PACRG: variants seen among roughly 807,000 people sequenced by gnomAD.
The protein encoded by PACRG is parkin coregulated.
PACRG carries 29 observed loss-of-function variants against 29.7 expected under a neutral mutation model. That is an observed-to-expected ratio of 0.98 (90% CI 0.73 to 1.33). The LOEUF (loss-of-function observed/expected upper bound fraction) is 1.33, where lower values mean the gene tolerates loss of function less well. Among genes scored for constraint, PACRG ranks in the 40% most tolerant of loss-of-function variants. The pLI is 0.00. For synonymous variants in PACRG, 116 were observed against 118.7 expected (o/e 0.98, Z 0.15); for missense variants, 279 against 316.2 (o/e 0.88, Z 0.89).
chr6:163,004,082 T>A (rs1804817880), intron 2 of PACRG, among the ~76,000 whole-genome samples: 1 of 152,050 alleles, frequency 6.6e-6, no homozygotes, highest in African/African-American at 2.4e-5. Flanking sequence ...ACAAAAAAAA[T>A]TCTCTTCCAA....
rs140001737 is a variant in PACRG at position 162,849,351 on chromosome 6, A to G, written c.291+35070A>G. 5.9e-5 allele frequency among the ~76,000 whole-genome samples: 9 copies of G among 152,314 alleles called. No individual in the cohort carries two copies. The East Asian group carries it at 1.7e-3, about 29-fold the overall frequency. On this transcript the variant is annotated intron_variant, in intron 2 of 4. Transcript: ENST00000366888. Reference sequence around the variant, plus strand: ...AGAAAAGAACAGGAAAGGTGAAAGCATCTTGAGCTTCTGCAGCTATAGTCA... The same window carrying G: ...AGAAAAGAACAGGAAAGGTGAAAGCGTCTTGAGCTTCTGCAGCTATAGTCA...
chr6:163,148,961 CGGGGGGGGGGGG>C (rs58611407), intron 4 of PACRG, among the ~76,000 whole-genome samples: 2 of 9,062 alleles, frequency 2.2e-4, no homozygotes, highest in African/African-American at 5.2e-4. Context: ...AAATCTATGG[CGGGGGGGGGGGG>C]GGGGGGGGTG....
chr6:163,253,297 CAAA>C (rs576001593), intron 4 of PACRG, among the ~76,000 whole-genome samples: 3 of 50,170 alleles, frequency 6.0e-5, no homozygotes, highest in Non-Finnish European at 9.0e-5. Context: ...GAGACTGTCT[CAAA>C]AAAAAAAAAA....
intron 3 of PACRG, 145 bp downstream of exon 3, chr6:163,062,466 C>A: frequency 1.1e-6 from 1 of 927,856 alleles, no homozygotes; most frequent in Non-Finnish European, 1.6e-6. Flanking sequence ...GGCCAGACAA[C>A]CCAAATCTCC....
At chr6:162,851,889 G>T (rs998268538) in intron 2 of PACRG, among the ~76,000 whole-genome samples, 1 of 150,306 alleles carries the variant, frequency 6.7e-6, no homozygotes, top group Non-Finnish European at 1.5e-5. Context: ...ATGTAAGAGA[G>T]TGAAAAGTAT....
At chr6:162,791,554 C>A (rs927251348) in intron 1 of PACRG, among the ~76,000 whole-genome samples, 2 of 152,116 alleles carry the variant, frequency 1.3e-5, no homozygotes, top group Non-Finnish European at 2.9e-5. Flanking sequence ...TTGCCTTGTT[C>A]ACTCCTAAAT....
At chr6:163,209,590 T>A (rs1401795130) in intron 4 of PACRG, among the ~76,000 whole-genome samples, 1 of 152,210 alleles carries the variant, frequency 6.6e-6, no homozygotes, top group Non-Finnish European at 1.5e-5. Context: ...TGCTACATAA[T>A]GTTTATTCTA....
intron 2 of PACRG, among the ~76,000 whole-genome samples, chr6:162,984,718 GGTAT>G: frequency 6.6e-6 from 1 of 151,578 alleles, no homozygotes; most frequent in Non-Finnish European, 1.5e-5. Context: ...GGAGTGAGGT[GGTAT>G]TGTATTGTGG....
At chr6:163,240,567 C>T (rs1179604691) in intron 4 of PACRG, among the ~76,000 whole-genome samples, 1 of 152,128 alleles carries the variant, frequency 6.6e-6, no homozygotes, top group African/African-American at 2.4e-5. Flanking sequence ...CCTCCTCAAC[C>T]ACCTGGCTGG....
At chr6:162,756,424 T>TA (rs545185927) in intron 1 of PACRG, among the ~76,000 whole-genome samples, 67 of 152,324 alleles carry the variant, frequency 4.4e-4, no homozygotes, top group African/African-American at 1.6e-3. Flanking sequence ...TAATTTTTTT[T>TA]ACTTAACGTC....
intron 4 of PACRG, among the ~76,000 whole-genome samples, chr6:163,105,340 G>T (rs1421371612): frequency 6.6e-6 from 1 of 152,032 alleles, no homozygotes; most frequent in Non-Finnish European, 1.5e-5. Context: ...TTTAAAGAAT[G>T]ATCACTTTTA....
chr6:163,262,073 T>C (rs570729738), intron 4 of PACRG, among the ~76,000 whole-genome samples: 21 of 152,382 alleles, frequency 1.4e-4, no homozygotes, highest in African/African-American at 4.8e-4. Flanking sequence ...AAATGTATTC[T>C]GTGCATTCTA....
intron 4 of PACRG, among the ~76,000 whole-genome samples, chr6:163,209,253 A>T (rs1781038919): frequency 6.6e-6 from 1 of 152,248 alleles, no homozygotes; most frequent in Non-Finnish European, 1.5e-5. Context: ...GCCTTAATAA[A>T]GAATAGTCAG....
At chr6:163,224,219 A>T (rs1162900681) in intron 4 of PACRG, among the ~76,000 whole-genome samples, 1 of 151,776 alleles carries the variant, frequency 6.6e-6, no homozygotes, top group Non-Finnish European at 1.5e-5. Context: ...AAATACAAAA[A>T]TTAGCCAGGC....
intron 2 of PACRG, among the ~76,000 whole-genome samples, chr6:163,046,128 C>A (rs1362378661): frequency 6.6e-6 from 1 of 151,694 alleles, no homozygotes; most frequent in Admixed American, 6.6e-5. Context: ...CACCTTAACC[C>A]TAACAACGAG....
chr6:162,817,864 T>A (rs1035421704), intron 2 of PACRG, among the ~76,000 whole-genome samples: 13 of 152,126 alleles, frequency 8.5e-5, no homozygotes, highest in African/African-American at 3.1e-4. Flanking sequence ...TTTCTATGCA[T>A]ATCATAAATT....
At chr6:163,151,268 T>G (rs1161652719) in intron 4 of PACRG, among the ~76,000 whole-genome samples, 1 of 152,204 alleles carries the variant, frequency 6.6e-6, no homozygotes, top group Admixed American at 6.5e-5. Context: ...TGTTGTTGTT[T>G]TTAATTCCTT....
At chr6:162,956,759 T>C (rs1230181066) in intron 2 of PACRG, among the ~76,000 whole-genome samples, 1 of 152,102 alleles carries the variant, frequency 6.6e-6, no homozygotes, top group Non-Finnish European at 1.5e-5. Context: ...AGGACATCAG[T>C]CATACTAGGT....
At chr6:163,207,343 A>T (rs535072758) in intron 4 of PACRG, among the ~76,000 whole-genome samples, 4 of 152,230 alleles carry the variant, frequency 2.6e-5, no homozygotes, top group African/African-American at 9.7e-5. Flanking sequence ...GGTGATACCC[A>T]GGGTTTCAAA....
Sources: allele counts gnomAD v4.1 joint callset (sites outside exome capture counted in the v4.1 genomes callset), GRCh38; gene constraint gnomAD v4.1.1; transcripts MANE v1.5; gene names NCBI Gene and HGNC (gene_info 2026-07-23, HGNC 2026-07-21).